Variants in CAMK1D observed in about 807,000 individuals in gnomAD.
The protein encoded by CAMK1D is calcium/calmodulin-dependent protein kinase type 1D.
Under a neutral mutation model 47.7 loss-of-function variants are expected in CAMK1D, and 9 were observed. The ratio of observed to expected loss-of-function variants is 0.19; its 90% CI spans 0.11 to 0.33. CAMK1D has a LOEUF of 0.33. Among genes scored for constraint, CAMK1D ranks in the 10% least tolerant of loss-of-function variants. The pLI is 1.00. For synonymous variants in CAMK1D, 184 were observed against 184.9 expected (o/e 0.99, Z 0.04); for missense variants, 291 against 488.7 (o/e 0.60, Z 3.81).
intron 1 of CAMK1D, among the ~76,000 whole-genome samples, chr10:12,528,899 A>G (rs563460849): frequency 1.5e-4 from 23 of 151,758 alleles, no homozygotes; most frequent in Non-Finnish European, 3.2e-4. Context: ...ATGCCGTTAC[A>G]CCTGGCTAAT....
At chr10:12,483,688 AT>A (rs565584126) in intron 1 of CAMK1D, among the ~76,000 whole-genome samples, 1 of 148,080 alleles carries the variant, frequency 6.8e-6, no homozygotes, top group Non-Finnish European at 1.5e-5. Flanking sequence ...TCCAATTTTA[AT>A]TTTTTTTTCC....
intron 1 of CAMK1D, among the ~76,000 whole-genome samples, chr10:12,397,030 A>G (rs1170519337): frequency 6.6e-6 from 1 of 152,184 alleles, no homozygotes; most frequent in Non-Finnish European, 1.5e-5. Flanking sequence ...AGCCATTGGT[A>G]ATCTCCATTT....
rs552879080 is a variant in CAMK1D at position 12,454,180 on chromosome 10, C to T, written c.93-99045C>T. On this transcript the variant is annotated intron_variant, in intron 1 of 10. Transcript: ENST00000619168. ...TTTAATTTTTTTGTTTGTTTGTTTT[C>T]GCGATGGAGTCTCGCTCTGTCACTC... 1.1e-4 allele frequency among the ~76,000 whole-genome samples: 16 copies of T among 152,154 alleles called. No individual in the cohort carries two copies. In the East Asian group the frequency reaches 2.1e-3, roughly 20 times the overall value.
At chr10:12,824,372 C>A in intron 8 of CAMK1D, 93 bp from the exon 9 acceptor site, 1 of 1,086,524 alleles carries the variant, frequency 9.2e-7, no homozygotes, top group Non-Finnish European at 1.4e-6. Flanking sequence ...TGAGCCTCGG[C>A]TCTCCTGAGG....
At chr10:12,389,468 C>G (rs1416446047) in intron 1 of CAMK1D, among the ~76,000 whole-genome samples, 1 of 152,100 alleles carries the variant, frequency 6.6e-6, no homozygotes, top group African/African-American at 2.4e-5. Flanking sequence ...ACCACAGGGT[C>G]GAGGGCTTGG....
chr10:12,650,969 C>T (rs1839944166), intron 2 of CAMK1D, among the ~76,000 whole-genome samples: 1 of 152,202 alleles, frequency 6.6e-6, no homozygotes, highest in Non-Finnish European at 1.5e-5. Flanking sequence ...AGTTCGCTTC[C>T]CCTAAGGCTC....
chr10:12,762,175 A>C (rs1219371840), intron 4 of CAMK1D, among the ~76,000 whole-genome samples: 1 of 152,210 alleles, frequency 6.6e-6, no homozygotes, highest in Non-Finnish European at 1.5e-5. Context: ...ATGTGACCTC[A>C]TTCTAGGATG....
intron 3 of CAMK1D, among the ~76,000 whole-genome samples, chr10:12,733,055 G>A (rs549721263): frequency 7.2e-5 from 11 of 152,308 alleles, no homozygotes; most frequent in East Asian, 1.9e-4. Flanking sequence ...CGATACATAC[G>A]ATGTCACTCC....
At chr10:12,634,654 A>G (rs1424714340) in intron 2 of CAMK1D, among the ~76,000 whole-genome samples, 1 of 152,106 alleles carries the variant, frequency 6.6e-6, no homozygotes, top group East Asian at 1.9e-4. Context: ...CGCCTGGCTG[A>G]CCTTCCACTC....
intron 6 of CAMK1D, among the ~76,000 whole-genome samples, chr10:12,810,151 T>TAAAAAAAAAAAAAA (rs749675063): frequency 2.5e-5 from 2 of 81,412 alleles, no homozygotes; most frequent in Non-Finnish European, 4.4e-5. Flanking sequence ...CCTGTCTCAT[T>TAAAAAAAAAAAAAA]AAAAAAAAAA....
intron 1 of CAMK1D, among the ~76,000 whole-genome samples, chr10:12,378,945 G>T (rs952321704): frequency 3.6e-4 from 54 of 151,908 alleles, no homozygotes; most frequent in African/African-American, 1.3e-3. Context: ...AGGTAGCTGG[G>T]ACTACAGGCA....
At position 12,398,828 on chromosome 10, in the gene CAMK1D, A is replaced by G. The variant is rs765308590; in HGVS notation, c.92+48918A>G. On this transcript the variant is annotated intron_variant, in intron 1 of 10. Coordinates refer to ENST00000619168, the MANE Select transcript of CAMK1D (RefSeq NM_153498.4). ...TCTTTCAGTTGTTTGATATGGATGA[A>G]GATTACTCATTGCTGGGATAAGGAG... 2.6e-5 allele frequency among the ~76,000 whole-genome samples: 4 copies of G among 152,020 alleles called. No homozygotes were observed. The East Asian group carries it at 5.8e-4, about 22-fold the overall frequency.
intron 2 of CAMK1D, among the ~76,000 whole-genome samples, chr10:12,599,320 G>T (rs547029504): frequency 4.3e-4 from 65 of 152,232 alleles, no homozygotes; most frequent in Non-Finnish European, 8.1e-4. Flanking sequence ...TCAGTGAGGC[G>T]GGATGCAGCT....
chr10:12,580,860 C>A (rs1837643940), intron 2 of CAMK1D, among the ~76,000 whole-genome samples: 1 of 152,182 alleles, frequency 6.6e-6, no homozygotes, highest in Non-Finnish European at 1.5e-5. Flanking sequence ...TGTTGAATGG[C>A]CAGCATTCTG....
chr10:12,433,890 A>G (rs1415770948), intron 1 of CAMK1D, among the ~76,000 whole-genome samples: 2 of 152,352 alleles, frequency 1.3e-5, no homozygotes, highest in Admixed American at 1.3e-4. Flanking sequence ...TGGGGATTTC[A>G]GGTCCCCCAG....
At position 12,829,932 on chromosome 10, in the gene CAMK1D, C is replaced by G. The variant is rs1833390317; in HGVS notation, c.*1045C>G. On this transcript the variant is annotated 3_prime_UTR_variant, in exon 11 of 11. Coordinates refer to ENST00000619168, the MANE Select transcript of CAMK1D (RefSeq NM_153498.4). ...TTGCTGGCAACCCATCCAGCAGAAC[C>G]CACACCCACCAGAGACCCTAGAGGC... The G allele has an allele frequency of 6.6e-6, 1 of 152,178 alleles. No homozygotes were observed. Among genetic ancestry groups the G allele is most frequent in the Non-Finnish European group, 1.5e-5 (1 of 68,134 alleles). The allele number at this position is 152,178 out of a possible 1,614,324, so 9.4% of individuals were successfully genotyped here.
chr10:12,578,511 T>G (rs1201520684), intron 2 of CAMK1D, among the ~76,000 whole-genome samples: 14 of 143,660 alleles, frequency 9.7e-5, no homozygotes, highest in African/African-American at 3.7e-4. Flanking sequence ...CGGAGGTTGC[T>G]ATGAGCCGAG....
chr10:12,473,971 C>T (rs1833824801), intron 1 of CAMK1D, among the ~76,000 whole-genome samples: 1 of 151,980 alleles, frequency 6.6e-6, no homozygotes, highest in Admixed American at 6.6e-5. Flanking sequence ...ATTTTTAAAC[C>T]CAGGATAGTT....
chr10:12,608,932 G>T (rs572547516), intron 2 of CAMK1D, among the ~76,000 whole-genome samples: 14 of 152,358 alleles, frequency 9.2e-5, no homozygotes, highest in Admixed American at 2.0e-4. Flanking sequence ...GGAGTAAATA[G>T]AATAATCTAT....
Sources: allele counts gnomAD v4.1 joint callset (sites outside exome capture counted in the v4.1 genomes callset), GRCh38; gene constraint gnomAD v4.1.1; transcripts MANE v1.5; gene names NCBI Gene and HGNC (gene_info 2026-07-23, HGNC 2026-07-21).